Variants in RNGTT observed in about 807,000 individuals in gnomAD.
RNGTT encodes mRNA-capping enzyme.
Under a neutral mutation model 79.3 loss-of-function variants are expected in RNGTT, and 33 were observed. That is an observed-to-expected ratio of 0.42 (90% CI 0.32 to 0.56). The LOEUF is 0.56. RNGTT is among the 20% of genes least tolerant of loss of function. RNGTT has a pLI of 0.17. For synonymous variants in RNGTT, 222 were observed against 235.9 expected, an observed-to-expected ratio of 0.94 and a Z score of 0.54; for missense variants, 497 against 739.1, an observed-to-expected ratio of 0.67 and a Z score of 3.80.
At chr6:88,812,289 T>C (rs1264984790) in intron 11 of RNGTT, among the ~76,000 whole-genome samples, 1 of 152,168 alleles carries the variant, frequency 6.6e-6, no homozygotes, top group Non-Finnish European at 1.5e-5. Flanking sequence ...ATTTGACAAG[T>C]TAGAAAATCT....
chr6:88,712,497 T>C (rs1027948171), intron 13 of RNGTT, among the ~76,000 whole-genome samples: 3 of 152,134 alleles, frequency 2.0e-5, no homozygotes, highest in Non-Finnish European at 2.9e-5. Flanking sequence ...TTTGTAGAGA[T>C]AGGGTCTCAC....
intron 4 of RNGTT, among the ~76,000 whole-genome samples, chr6:88,919,943 C>T (rs994732864): frequency 6.6e-6 from 1 of 152,104 alleles, no homozygotes; most frequent in Non-Finnish European, 1.5e-5. Context: ...CCCGCCTCGG[C>T]CTCCCAAAGT....
chr6:88,804,322 T>C (rs982806257), intron 11 of RNGTT, among the ~76,000 whole-genome samples: 9 of 152,154 alleles, frequency 5.9e-5, no homozygotes, highest in Non-Finnish European at 1.0e-4. Flanking sequence ...AGTTCCTAAA[T>C]ATATAGGTCC....
At position 88,673,662 on chromosome 6, in the gene RNGTT, T is replaced by A. The variant is rs555172628; in HGVS notation, c.1506+4691A>T. Among the ~76,000 whole-genome samples the A allele has an allele frequency of 3.3e-5, 5 of 152,346 alleles. No homozygotes were observed. The South Asian group carries it at 1.0e-3, about 32-fold the overall frequency. ...GGATTGATTATCCAGGCATAAAGGATTGACAAAAGATTGACTTTTGTCACC... is the reference window on the plus strand; with the variant it reads ...GGATTGATTATCCAGGCATAAAGGAATGACAAAAGATTGACTTTTGTCACC... On this transcript the variant is annotated intron_variant, in intron 14 of 15. Transcript: ENST00000369485.
rs563117279 is a variant in RNGTT, at chr6:88,862,230, C to T, written c.897-8466G>A. Among the ~76,000 whole-genome samples, 12 of 152,254 alleles carry T rather than the reference C, an allele frequency of 7.9e-5. No individual in the cohort carries two copies. The East Asian group carries it at 1.9e-3, about 24-fold the overall frequency. On this transcript the variant is annotated intron_variant, in intron 8 of 15. Coordinates refer to ENST00000369485, the MANE Select transcript of RNGTT (RefSeq NM_003800.5). The stretch of plus-strand genomic sequence containing the variant: ...CTTCGGGATGGGGACTAGGAAAGAA[C>T]ATGGCAAGATTAGAGTGTTGGGACT...
At chr6:88,755,377 C>A (rs1459050340) in intron 13 of RNGTT, among the ~76,000 whole-genome samples, 1 of 151,700 alleles carries the variant, frequency 6.6e-6, no homozygotes, top group African/African-American at 2.4e-5. Flanking sequence ...CAATTTAGAT[C>A]CAAACAAAAC....
intron 13 of RNGTT, among the ~76,000 whole-genome samples, chr6:88,714,953 A>G (rs1408414493): frequency 6.6e-6 from 1 of 152,174 alleles, no homozygotes; most frequent in African/African-American, 2.4e-5. Context: ...ATAGTGTTGA[A>G]GTTCTGGCCA....
At chr6:88,616,346 T>C (rs758161704) in intron 14 of RNGTT, among the ~76,000 whole-genome samples, 9 of 152,232 alleles carry the variant, frequency 5.9e-5, no homozygotes, top group Non-Finnish European at 1.2e-4. Flanking sequence ...GATCCGGTTT[T>C]AAATTATTTT....
chr6:88,817,489 G>GT (rs1491579539), intron 11 of RNGTT, among the ~76,000 whole-genome samples: 3 of 10,892 alleles, frequency 2.8e-4, no homozygotes, highest in African/African-American at 4.8e-4. Context: ...AAAAAAATAA[G>GT]TAAAAAAAAA....
chr6:88,936,977 T>C (rs1450437948), intron 2 of RNGTT, among the ~76,000 whole-genome samples: 1 of 152,190 alleles, frequency 6.6e-6, no homozygotes, highest in Non-Finnish European at 1.5e-5. Context: ...GATTCAATCT[T>C]GGTAGGTTGC....
At chr6:88,949,206 A>T (rs1223559182) in intron 1 of RNGTT, among the ~76,000 whole-genome samples, 3 of 146,372 alleles carry the variant, frequency 2.0e-5, no homozygotes, top group Non-Finnish European at 3.0e-5. Context: ...GGAGGCTGTT[A>T]CAAGTGCTAC....
chr6:88,671,247 T>A (rs907208131), intron 14 of RNGTT, among the ~76,000 whole-genome samples: 5 of 152,174 alleles, frequency 3.3e-5, no homozygotes, highest in African/African-American at 1.2e-4. Flanking sequence ...ATAAATGAAT[T>A]CAGTAAAGTT....
chr6:88,940,668 C>T (rs74702197), intron 2 of RNGTT, among the ~76,000 whole-genome samples: 1,565 of 152,100 alleles, frequency 0.01, 13 homozygotes, highest in Non-Finnish European at 0.015. Flanking sequence ...AGTACAGGGA[C>T]GGGGTGAGGA....
intron 13 of RNGTT, among the ~76,000 whole-genome samples, chr6:88,730,026 T>C (rs1777054930): frequency 6.6e-6 from 1 of 152,156 alleles, no homozygotes; most frequent in African/African-American, 2.4e-5. Flanking sequence ...TACTAAAACC[T>C]TCCTTAACTG....
intron 8 of RNGTT, among the ~76,000 whole-genome samples, chr6:88,886,179 G>A (rs896310190): frequency 2.6e-5 from 4 of 152,142 alleles, no homozygotes; most frequent in African/African-American, 4.8e-5. Context: ...GGTGGTGGGC[G>A]CCTGTAGTCC....
At chr6:88,924,091 C>T (rs1784244689) in intron 4 of RNGTT, among the ~76,000 whole-genome samples, 1 of 152,198 alleles carries the variant, frequency 6.6e-6, no homozygotes, top group African/African-American at 2.4e-5. Flanking sequence ...ATAGTGCTGG[C>T]TGGCTTCGCA....
chr6:88,778,472 CA>C (rs1778961497), intron 12 of RNGTT, among the ~76,000 whole-genome samples: 2 of 152,114 alleles, frequency 1.3e-5, no homozygotes, highest in South Asian at 4.1e-4. Flanking sequence ...TGCATTCTAA[CA>C]AATTTTTAAT....
chr6:88,736,431 C>T (rs915922321), intron 13 of RNGTT, among the ~76,000 whole-genome samples: 3 of 152,114 alleles, frequency 2.0e-5, no homozygotes, highest in South Asian at 4.1e-4. Flanking sequence ...ATGTAGAACT[C>T]GCAGTCAATG....
chr6:88,715,241 A>G (rs1433201887), intron 13 of RNGTT, among the ~76,000 whole-genome samples: 1 of 152,226 alleles, frequency 6.6e-6, no homozygotes, highest in Non-Finnish European at 1.5e-5. Context: ...TAAAATACCC[A>G]GGAATCCAAC....
Sources: gnomAD v4.1 joint callset for allele counts (sites outside exome capture counted in the v4.1 genomes callset) on GRCh38, gnomAD v4.1.1 for gene constraint, MANE v1.5 for transcripts, NCBI Gene and HGNC (gene_info 2026-07-23, HGNC 2026-07-21) for gene names.